The following LANCL3 variants were observed in gnomAD, a reference collection of about 807,000 sequenced individuals.
LANCL3 encodes the protein LanC like family member 3, also known as lanC-like protein 3.
In LANCL3, 19 loss-of-function variants were observed where a neutral mutation model predicts 26.5. The ratio of observed to expected loss-of-function variants is 0.72; its 90% CI spans 0.50 to 1.05. LANCL3 has a LOEUF of 1.05. Ranked by LOEUF, LANCL3 falls within the 50% of genes least tolerant of loss-of-function variation. The pLI is 0.00. For missense variants in LANCL3, 318 were observed against 362.7 expected (o/e 0.88, Z 1.00); for synonymous variants, 160 against 166.6 (o/e 0.96, Z 0.30).
intron 1 of LANCL3, among the ~76,000 whole-genome samples, chrX:37,606,848 A>G (rs1248827637): frequency 6.2e-5 from 7 of 112,334 alleles, no homozygotes; most frequent in African/African-American, 2.3e-4. Context: ...CTTTTGATGG[A>G]ATTATGCAGC....
chrX:37,578,443 T>G (rs1923810017), intron 1 of LANCL3, among the ~76,000 whole-genome samples: 1 of 112,330 alleles, frequency 8.9e-6, no homozygotes, highest in African/African-American at 3.2e-5. Context: ...TTTTCATCTC[T>G]TTGGTGTTTC....
At chrX:37,630,951 T>G (rs1272261968) in intron 1 of LANCL3, among the ~76,000 whole-genome samples, 48 of 111,848 alleles carry the variant, frequency 4.3e-4, no homozygotes, top group Non-Finnish European at 1.1e-4. Flanking sequence ...GGTATCAGGA[T>G]GATGCTGGCC....
intron 1 of LANCL3, among the ~76,000 whole-genome samples, chrX:37,594,605 T>TTA (rs1924374464): frequency 8.9e-6 from 1 of 112,318 alleles, no homozygotes. Flanking sequence ...GTTGTGAACT[T>TTA]TCTGCTGCCT....
chrX:37,640,182 A>T (rs1925827355), intron 1 of LANCL3, among the ~76,000 whole-genome samples: 1 of 112,356 alleles, frequency 8.9e-6, no homozygotes, highest in Non-Finnish European at 1.9e-5. Context: ...TCACACTGCT[A>T]TAAAGAACTA....
chrX:37,601,480 G>A (rs1454931138), intron 1 of LANCL3, among the ~76,000 whole-genome samples: 1 of 112,025 alleles, frequency 8.9e-6, no homozygotes, highest in African/African-American at 3.2e-5. Flanking sequence ...GAGGGCAAAT[G>A]CTAGATTCCT....
Position 37,584,503 on chromosome X carries a change from A to T in LANCL3, c.573+12060A>T, listed in dbSNP as rs782274517. Among the ~76,000 whole-genome samples, 87 of 110,595 alleles carry T rather than the reference A, an allele frequency of 7.9e-4. 1 individual carries two copies. The South Asian group carries it at 0.032, about 41-fold the overall frequency. On this transcript the variant is annotated intron_variant, in intron 1 of 4. Coordinates refer to ENST00000378619, the MANE Select transcript of LANCL3 (RefSeq NM_001170331.2). ...TATTGCCTCAATTTCAGAGCCTGTTATTGGTCTATTCAGAGATTCAACTTC... is the reference window on the plus strand; with the variant it reads ...TATTGCCTCAATTTCAGAGCCTGTTTTTGGTCTATTCAGAGATTCAACTTC...
intron 1 of LANCL3, among the ~76,000 whole-genome samples, chrX:37,624,799 G>A (rs782738250): frequency 9.0e-6 from 1 of 111,618 alleles, no homozygotes; most frequent in Non-Finnish European, 1.9e-5. Context: ...TCATACCACC[G>A]TTTACTGAAA....
chrX:37,674,919 G>A (rs782163231), intron 4 of LANCL3, among the ~76,000 whole-genome samples: 21 of 111,454 alleles, frequency 1.9e-4, no homozygotes, highest in Non-Finnish European at 3.6e-4. Context: ...AAAAGATGAT[G>A]TAGGTAATGG....
chrX:37,631,070 C>A (rs1925486938), intron 1 of LANCL3, among the ~76,000 whole-genome samples: 1 of 111,694 alleles, frequency 9.0e-6, no homozygotes, highest in Admixed American at 9.4e-5. Flanking sequence ...GGCTGTGAAT[C>A]CATCTGGTCC....
At chrX:37,649,465 G>T (rs1285256945) in intron 1 of LANCL3, among the ~76,000 whole-genome samples, 1 of 110,690 alleles carries the variant, frequency 9.0e-6, no homozygotes, top group Admixed American at 9.7e-5. Flanking sequence ...GGGATGGGGG[G>T]CATGGGGAGG....
chrX:37,644,809 CTT>C (rs1925947624), intron 1 of LANCL3, among the ~76,000 whole-genome samples: 1 of 112,509 alleles, frequency 8.9e-6, no homozygotes, highest in Non-Finnish European at 1.9e-5. Flanking sequence ...CCTTGACACT[CTT>C]TGTAATAACG....
rs1926793639 is a variant in LANCL3 at position 37,675,972 on chromosome X, A to G, written c.*159A>G. 3 of 334,516 alleles carry G rather than the reference A, an allele frequency of 9.0e-6. No homozygotes were observed. In the South Asian group the frequency reaches 4.2e-4, roughly 46 times the overall value. The allele number at this position is 334,516 out of a possible 1,213,427, so 27.6% of individuals were successfully genotyped here. ...TGAAGGCAACATGATGCCAGATTTG[A>G]GAAAGGATCTGCAAAATAAAGATAC... On this transcript the variant is annotated 3_prime_UTR_variant, in exon 5 of 5. Transcript: ENST00000378619.
chrX:37,652,140 G>C (rs1277125156), intron 1 of LANCL3, among the ~76,000 whole-genome samples: 1 of 110,649 alleles, frequency 9.0e-6, no homozygotes, highest in Admixed American at 9.7e-5. Flanking sequence ...CGCATATTCA[G>C]TCAGTGCTGA....
chrX:37,675,595 C>A, intron 4 of LANCL3, 59 bp from the exon 5 acceptor site: 2 of 700,669 alleles, frequency 2.9e-6, no homozygotes, highest in South Asian at 5.1e-5. Flanking sequence ...AGAAGCAACC[C>A]AAGGTCCATA....
At chrX:37,666,412 C>G (rs540823271) in intron 3 of LANCL3, among the ~76,000 whole-genome samples, 2 of 112,007 alleles carry the variant, frequency 1.8e-5, no homozygotes, top group South Asian at 3.7e-4. Context: ...TCTATCTCTA[C>G]AGAGTTGTAA....
chrX:37,610,375 A>T (rs1359448038), intron 1 of LANCL3, among the ~76,000 whole-genome samples: 1 of 112,264 alleles, frequency 8.9e-6, no homozygotes, highest in Non-Finnish European at 1.9e-5. Context: ...CACAGTGGCC[A>T]TTGAGGCTCA....
At chrX:37,583,491 A>C (rs1412631330) in intron 1 of LANCL3, among the ~76,000 whole-genome samples, 3 of 111,120 alleles carry the variant, frequency 2.7e-5, no homozygotes, top group East Asian at 2.8e-4. Flanking sequence ...CTTTTATTTC[A>C]TTGAGCAGTG....
intron 1 of LANCL3, among the ~76,000 whole-genome samples, chrX:37,581,977 T>C (rs1458046674): frequency 9.1e-6 from 1 of 110,124 alleles, no homozygotes; most frequent in Admixed American, 9.6e-5. Flanking sequence ...TTCCCCTTCC[T>C]GTGTCCAAGT....
intron 1 of LANCL3, among the ~76,000 whole-genome samples, chrX:37,609,875 A>G (rs1050295569): frequency 3.6e-5 from 4 of 111,764 alleles, no homozygotes; most frequent in Non-Finnish European, 7.5e-5. Flanking sequence ...AGGCTTCAAA[A>G]AGTGGAAAAT....
Sources: allele counts gnomAD v4.1 joint callset (sites outside exome capture counted in the v4.1 genomes callset), GRCh38; gene constraint gnomAD v4.1.1; transcripts MANE v1.5; gene names NCBI Gene and HGNC (gene_info 2026-07-23, HGNC 2026-07-21).